The following STK39 variants were observed in gnomAD, a reference collection of about 807,000 sequenced individuals.
The protein encoded by STK39 is serine/threonine kinase 39.
A neutral mutation model predicts 77.8 loss-of-function variants in STK39; 20 were observed. That is an observed-to-expected ratio of 0.26 (90% CI 0.18 to 0.37). STK39 has a LOEUF of 0.37. Ranked by LOEUF, STK39 falls within the 10% of genes least tolerant of loss-of-function variation. The probability of loss-of-function intolerance (pLI) is 1.00; values close to 1 mark genes in which losing one functional copy is unlikely to be tolerated. For missense variants in STK39, 479 were observed against 656.5 expected, an observed-to-expected ratio of 0.73 and a Z score of 2.95; for synonymous variants, 246 against 234.1, an observed-to-expected ratio of 1.05 and a Z score of -0.47.
intron 1 of STK39, among the ~76,000 whole-genome samples, chr2:168,237,837 C>T (rs116282358): frequency 0.025 from 3,772 of 152,152 alleles, 157 homozygotes; most frequent in African/African-American, 0.082. Context: ...CTTAGGAACT[C>T]ACTTATAAAA....
At chr2:168,237,392 A>G (rs1277105680) in intron 1 of STK39, among the ~76,000 whole-genome samples, 1 of 152,232 alleles carries the variant, frequency 6.6e-6, no homozygotes, top group Non-Finnish European at 1.5e-5. Flanking sequence ...ATCTGCAAAC[A>G]GGGACAATTT....
At chr2:168,081,928 C>T (rs570354955) in intron 10 of STK39, among the ~76,000 whole-genome samples, 1 of 152,266 alleles carries the variant, frequency 6.6e-6, no homozygotes, top group African/African-American at 2.4e-5. Flanking sequence ...GATTGTGAGG[C>T]CTCCCTAGCC....
chr2:167,972,241 A>T (rs1692367818), intron 16 of STK39, among the ~76,000 whole-genome samples: 1 of 152,194 alleles, frequency 6.6e-6, no homozygotes, highest in Non-Finnish European at 1.5e-5. Flanking sequence ...GGTAAAAGTC[A>T]CTGTTTATCT....
chr2:168,034,436 A>G (rs1014800287), intron 14 of STK39, among the ~76,000 whole-genome samples: 1 of 152,228 alleles, frequency 6.6e-6, no homozygotes, highest in African/African-American at 2.4e-5. Context: ...AGACTGAAAC[A>G]TGCTTAAAGT....
intron 10 of STK39, among the ~76,000 whole-genome samples, chr2:168,111,789 T>C (rs184148948): frequency 3.3e-5 from 5 of 152,334 alleles, no homozygotes; most frequent in African/African-American, 1.2e-4. Flanking sequence ...GAAGCTTAAA[T>C]GTGATATGCA....
intron 1 of STK39, among the ~76,000 whole-genome samples, chr2:168,238,642 A>C (rs1232012893): frequency 6.6e-6 from 1 of 151,638 alleles, no homozygotes; most frequent in Non-Finnish European, 1.5e-5. Flanking sequence ...GTGAGAAGAA[A>C]TGTGAAACAT....
chr2:168,089,538 G>C (rs561363442), intron 10 of STK39, among the ~76,000 whole-genome samples: 2 of 152,272 alleles, frequency 1.3e-5, no homozygotes, highest in African/African-American at 4.8e-5. Flanking sequence ...TGACAATATG[G>C]TCAAATCAAG....
At chr2:167,997,358 T>C (rs1683873364) in intron 16 of STK39, among the ~76,000 whole-genome samples, 4 of 152,202 alleles carry the variant, frequency 2.6e-5, no homozygotes, top group African/African-American at 7.2e-5. Flanking sequence ...AGAAGCTTGA[T>C]GTTTGATAGG....
chr2:168,066,147 G>A (rs553379100), intron 12 of STK39, among the ~76,000 whole-genome samples: 11 of 152,302 alleles, frequency 7.2e-5, no homozygotes, highest in Middle Eastern at 3.4e-3. Context: ...TTATTTGTGA[G>A]AAGAGCTTTC....
chr2:168,189,689 T>G (rs1689291911), intron 1 of STK39, among the ~76,000 whole-genome samples: 1 of 152,212 alleles, frequency 6.6e-6, no homozygotes, highest in African/African-American at 2.4e-5. Flanking sequence ...TTTTGTTTTC[T>G]TAATGAAACA....
intron 10 of STK39, among the ~76,000 whole-genome samples, chr2:168,080,717 C>T (rs936806347): frequency 1.2e-4 from 18 of 152,294 alleles, no homozygotes; most frequent in African/African-American, 4.3e-4. Context: ...CCTCCCCTCA[C>T]AGGGCTGGAA....
chr2:168,243,026 T>C (rs2105283745), intron 1 of STK39, among the ~76,000 whole-genome samples: 1 of 152,232 alleles, frequency 6.6e-6, no homozygotes, highest in African/African-American at 2.4e-5. Flanking sequence ...TTTAGTATTT[T>C]AAAAACAACA....
At chr2:167,998,878 G>A (rs1574379252) in intron 16 of STK39, among the ~76,000 whole-genome samples, 1 of 152,172 alleles carries the variant, frequency 6.6e-6, no homozygotes, top group East Asian at 1.9e-4. Context: ...TCAGTCAAAC[G>A]AAAATCAAAT....
chr2:168,222,986 T>C (rs1267145022), intron 1 of STK39, among the ~76,000 whole-genome samples: 2 of 152,192 alleles, frequency 1.3e-5, no homozygotes, highest in Admixed American at 6.5e-5. Context: ...ATCATTGTCA[T>C]TTACTATGTA....
intron 1 of STK39, among the ~76,000 whole-genome samples, chr2:168,197,916 T>A (rs1689512666): frequency 6.6e-6 from 1 of 151,722 alleles, no homozygotes; most frequent in South Asian, 2.1e-4. Context: ...TGGGTGCCTG[T>A]AATCCCATCT....
intron 3 of STK39, 95 bp downstream of exon 3, chr2:168,167,204 G>C (rs914676871): frequency 2.9e-6 from 3 of 1,029,032 alleles, no homozygotes; most frequent in African/African-American, 1.6e-5. Flanking sequence ...AAACACAGGA[G>C]AGAAAGGATT....
At position 168,197,671 on chromosome 2, in the gene STK39, G is replaced by A. The variant is rs1319374624; in HGVS notation, c.209-15581C>T. On this transcript the variant is annotated intron_variant, in intron 1 of 17. Transcript: ENST00000355999. Reference sequence around the variant, plus strand: ...ATATATATGTAAATATCCAGTATTTGTAGGTATTCTTTCCATTCAACTCTT... The same window carrying A: ...ATATATATGTAAATATCCAGTATTTATAGGTATTCTTTCCATTCAACTCTT... Among the ~76,000 whole-genome samples the A allele has an allele frequency of 4.6e-5, 7 of 152,308 alleles. No individual in the cohort carries two copies. In the South Asian group the frequency reaches 1.4e-3, roughly 32 times the overall value.
At chr2:167,961,390 T>C (rs1691955979) in intron 17 of STK39, among the ~76,000 whole-genome samples, 1 of 152,234 alleles carries the variant, frequency 6.6e-6, no homozygotes, top group Non-Finnish European at 1.5e-5. Flanking sequence ...GTTAATTACA[T>C]GTTCTCAAAA....
chr2:167,972,292 G>C (rs1027483039), intron 16 of STK39, among the ~76,000 whole-genome samples: 7 of 152,190 alleles, frequency 4.6e-5, no homozygotes, highest in African/African-American at 1.7e-4. Flanking sequence ...AGAATTCTGA[G>C]GCTGATCTTG....
Sources: gnomAD v4.1 joint callset for allele counts (sites outside exome capture counted in the v4.1 genomes callset) on GRCh38, gnomAD v4.1.1 for gene constraint, MANE v1.5 for transcripts, NCBI Gene and HGNC (gene_info 2026-07-23, HGNC 2026-07-21) for gene names.